The following CCDC13 variants were observed in gnomAD, a reference collection of about 807,000 sequenced individuals.
The protein encoded by CCDC13 is coiled-coil domain containing 13.
CCDC13 carries 70 observed loss-of-function variants against 87.3 expected under a neutral mutation model. That is an observed-to-expected ratio of 0.80 (90% CI 0.66 to 0.98). CCDC13 has a LOEUF of 0.98. Among genes scored for constraint, CCDC13 ranks in the 50% least tolerant of loss-of-function variants. The pLI, the probability that CCDC13 is intolerant of heterozygous loss-of-function variation, is 0.00. For synonymous variants in CCDC13, 317 were observed against 360.3 expected, an observed-to-expected ratio of 0.88 and a Z score of 1.36; for missense variants, 842 against 892.0, an observed-to-expected ratio of 0.94 and a Z score of 0.71.
chr3:42,742,845 C>A (rs750960688), intron 8 of CCDC13, 51 bp downstream of exon 8: 36 of 1,604,350 alleles, frequency 2.2e-5, no homozygotes, highest in South Asian at 4.5e-5. Context: ...CAGGCACCAT[C>A]ATGATCTCTC....
At chr3:42,756,685 C>T (rs945698519) in intron 3 of CCDC13, among the ~76,000 whole-genome samples, 4 of 151,334 alleles carry the variant, frequency 2.6e-5, no homozygotes. Context: ...TTTTTATGTT[C>T]ACAACATAAC....
chr3:42,724,288 T>C lies in CCDC13; in HGVS notation c.1718+6179A>G, dbSNP rs79016097. On this transcript the variant is annotated intron_variant, in intron 13 of 15. Transcript: ENST00000310232. ...ATAAATATTATCCTCACTCATGCAG[T>C]TGCTCAGCCCAGATACCCGGGGGTC... is the stretch of plus-strand genomic sequence containing the variant. 1.1e-4 allele frequency among the ~76,000 whole-genome samples: 17 copies of C among 152,342 alleles called. No individual in the cohort carries two copies. The East Asian group carries it at 2.7e-3, about 24-fold the overall frequency.
chr3:42,768,860 G>A (rs144355870), intron 1 of CCDC13, among the ~76,000 whole-genome samples: 99 of 152,092 alleles, frequency 6.5e-4, no homozygotes, highest in African/African-American at 2.2e-3. Context: ...GGGCAAGGCC[G>A]GGCATGGTGG....
intron 14 of CCDC13, among the ~76,000 whole-genome samples, chr3:42,710,390 A>C (rs150501913): frequency 8.7e-4 from 133 of 152,280 alleles, no homozygotes; most frequent in African/African-American, 3.1e-3. Context: ...AAGAGAAACC[A>C]GCTGAGCCTG....
intron 13 of CCDC13, among the ~76,000 whole-genome samples, chr3:42,722,903 TCTC>T (rs1698600928): frequency 6.6e-6 from 1 of 150,994 alleles, no homozygotes; most frequent in African/African-American, 2.4e-5. Context: ...TTCACGCCAT[TCTC>T]CTGCCTCAGC....
At chr3:42,749,865 A>T (rs551381321) in intron 5 of CCDC13, 1 of 456,546 alleles carries the variant, frequency 2.2e-6, no homozygotes, top group Non-Finnish European at 4.4e-6. Context: ...GTTCAGCTCC[A>T]CTCTGGAATG....
chr3:42,722,490 A>C (rs576952992), intron 13 of CCDC13, among the ~76,000 whole-genome samples: 1 of 152,208 alleles, frequency 6.6e-6, no homozygotes, highest in African/African-American at 2.4e-5. Context: ...CACAAAATAC[A>C]GGTCATAAAG....
intron 1 of CCDC13, among the ~76,000 whole-genome samples, chr3:42,772,784 G>T (rs1700163470): frequency 6.6e-6 from 1 of 152,184 alleles, no homozygotes. Context: ...GGGAGATGCG[G>T]AAGTGCACGC....
Position 42,721,817 on chromosome 3 carries a change from A to C in CCDC13, c.1719-8501T>G, listed in dbSNP as rs1575278002. On this transcript the variant is annotated intron_variant, in intron 13 of 15. Transcript: ENST00000310232. Reference sequence around the variant, plus strand: ...TCAAATTTGACTTGTAGAGCCAATAAAAACCCCTTGGGCAACTGACCTTGT... The same window carrying C: ...TCAAATTTGACTTGTAGAGCCAATACAAACCCCTTGGGCAACTGACCTTGT... 2.6e-5 allele frequency among the ~76,000 whole-genome samples: 4 copies of C among 152,232 alleles called. No individual in the cohort carries two copies. In the South Asian group the frequency reaches 8.3e-4, roughly 31 times the overall value.
chr3:42,705,282 G>C (rs10461012), downstream of CCDC13, among the ~76,000 whole-genome samples: 46,656 of 151,958 alleles, frequency 0.31, 7,335 homozygotes, highest in African/African-American at 0.37. Context: ...GTGTGGGGGT[G>C]CAGAGGAGCA....
At chr3:42,765,427 T>A (rs564823493) in intron 1 of CCDC13, among the ~76,000 whole-genome samples, 2 of 152,128 alleles carry the variant, frequency 1.3e-5, no homozygotes, top group East Asian at 3.9e-4. Flanking sequence ...TTTTTTGAGA[T>A]GGAGTTTCAC....
chr3:42,733,611 T>C lies in CCDC13; in HGVS notation c.1372-2A>G. On this transcript the variant is annotated splice_acceptor_variant, in intron 10 of 15. Coordinates refer to ENST00000310232, the MANE Select transcript of CCDC13 (RefSeq NM_144719.4). LOFTEE classifies it high-confidence loss of function. The stretch of plus-strand genomic sequence containing the variant: ...ACCCACTCCTTTATTCCGAAGATAC[T>C]GTAGGAACAGATGTGGGTTCCATCC... The C allele has an allele frequency of 6.2e-7, 1 of 1,600,230 alleles. No homozygotes were observed. The highest frequency in any genetic ancestry group is 8.5e-7 in the Non-Finnish European group (1 of 1,172,448).
intron 13 of CCDC13, among the ~76,000 whole-genome samples, chr3:42,713,600 C>T (rs1362666783): frequency 6.6e-6 from 1 of 152,200 alleles, no homozygotes; most frequent in Non-Finnish European, 1.5e-5. Flanking sequence ...TTAATATTTA[C>T]TGCCATATTT....
chr3:42,722,347 A>G (rs1469410871), intron 13 of CCDC13, among the ~76,000 whole-genome samples: 2 of 152,142 alleles, frequency 1.3e-5, no homozygotes, highest in African/African-American at 4.8e-5. Flanking sequence ...GGATGGGGGG[A>G]AAATGTCAGA....
In CCDC13 at chr3:42,770,571, A is replaced by C. The variant is rs991524666; in HGVS notation, c.-7+2605T>G. 4 of 152,240 alleles carry C rather than the reference A, an allele frequency of 2.6e-5. No individual in the cohort carries two copies. The South Asian group carries it at 8.3e-4, about 32-fold the overall frequency. The allele number at this position is 152,240 out of a possible 1,614,324, so 9.4% of individuals were successfully genotyped here. A position where few individuals can be genotyped will look rare whatever the true frequency, so the allele number is the denominator to read the frequency against. ...GGATGTGGGTGGGGCCAGATAAGAG[A>C]ATAAAAGCAGGCTGCCCCAGGCAGC... On this transcript the variant is annotated intron_variant, in intron 1 of 15. Coordinates refer to ENST00000310232, the MANE Select transcript of CCDC13 (RefSeq NM_144719.4).
chr3:42,745,952 C>G lies in CCDC13; in HGVS notation c.796G>C (p.Ala266Pro), dbSNP rs1187459207. 1 of 1,614,016 alleles carries G rather than the reference C, an allele frequency of 6.2e-7. No homozygotes were observed. Among genetic ancestry groups the G allele is most frequent in the Non-Finnish European group, 8.5e-7 (1 of 1,179,946 alleles). Residue 266 changes from alanine (A) to proline (P), a missense_variant, in exon 7 of 16, where the codon GCT becomes CCT. By Grantham distance (27) the Ala-to-Pro change is conservative. Coordinates refer to ENST00000310232, the MANE Select transcript of CCDC13 (RefSeq NM_144719.4). ...LSSPGTWRGR[A>P]QQILVLQSKV... ...CTCTGCAAAACAAGAATTTGTTGAG[C>G]CCGACCCCTCCAGGTCCCTGGCGAA...
chr3:42,758,360 C>T lies in CCDC13; in HGVS notation c.-6-9G>A. On this transcript the variant is annotated splice_polypyrimidine_tract_variant and intron_variant, in intron 1 of 15. Transcript: ENST00000310232. ...TCTGCTGCCATCCTGCCCTAGGCAT[C>T]AGAAATGAAGCCTCAGCTGAAGCAA... The T allele has an allele frequency of 6.2e-7, 1 of 1,611,072 alleles. No homozygotes were observed. Among genetic ancestry groups the T allele is most frequent in the Non-Finnish European group, 8.5e-7 (1 of 1,179,722 alleles).
At chr3:42,712,982 C>G (rs1214696044) in intron 14 of CCDC13, among the ~76,000 whole-genome samples, 180 bp downstream of exon 14, 5 of 152,234 alleles carry the variant, frequency 3.3e-5, no homozygotes, top group African/African-American at 4.8e-5. Context: ...GCTCCTGCTT[C>G]TGACTGAGAG....
intron 13 of CCDC13, among the ~76,000 whole-genome samples, chr3:42,726,242 A>G (rs1352841677): frequency 6.6e-6 from 1 of 152,160 alleles, no homozygotes; most frequent in East Asian, 1.9e-4. Context: ...GGGTTTCACC[A>G]CGTTGGCCAG....
Sources: gnomAD v4.1 joint callset for allele counts (sites outside exome capture counted in the v4.1 genomes callset) on GRCh38, gnomAD v4.1.1 for gene constraint, MANE v1.5 for transcripts, NCBI Gene and HGNC (gene_info 2026-07-23, HGNC 2026-07-21) for gene names.